TMEM39B: variants seen among roughly 807,000 people sequenced by gnomAD.
TMEM39B encodes the protein transmembrane protein 39B.
In TMEM39B, 23 loss-of-function variants were observed where a neutral mutation model predicts 52.2. The observed-to-expected ratio is 0.44, with a 90% confidence interval of 0.32 to 0.62. The LOEUF (loss-of-function observed/expected upper bound fraction) is 0.62. Ranked by LOEUF, TMEM39B falls within the 20% of genes least tolerant of loss-of-function variation. The pLI is 0.06. For synonymous variants in TMEM39B, 285 were observed against 264.0 expected, an observed-to-expected ratio of 1.08 and a Z score of -0.77; for missense variants, 547 against 642.0, an observed-to-expected ratio of 0.85 and a Z score of 1.60.
chr1:32,073,096 C>T (rs1459377602), intron 1 of TMEM39B, 45 bp downstream of exon 1: 2 of 1,441,028 alleles, frequency 1.4e-6, no homozygotes, highest in African/African-American at 3.0e-5. Context: ...AGCGGGCGCA[C>T]GGGTTAGGAT....
chr1:32,094,709 G>A, intron 6 of TMEM39B, 75 bp from the exon 7 acceptor site: 1 of 1,534,550 alleles, frequency 6.5e-7, no homozygotes, highest in Non-Finnish European at 9.0e-7. Flanking sequence ...CTCTCAGTCA[G>A]GTAGAATCAG....
In TMEM39B at chr1:32,091,694, T is replaced by C; in HGVS notation, c.610T>C (p.Phe204Leu). 6.2e-7 allele frequency: 1 copy of C among 1,607,068 alleles called. No homozygotes were observed. The highest frequency in any genetic ancestry group is 8.5e-7 in the Non-Finnish European group (1 of 1,175,444). ...LCYPFGMYIP[F>L]LQLNCDLRKT... ...CAGCAGGTTTGGGATGTACATTCCGTTCCTGCAGCTGAATTGCGACCTCCG... is the reference window on the plus strand; with the variant it reads ...CAGCAGGTTTGGGATGTACATTCCGCTCCTGCAGCTGAATTGCGACCTCCG... The change falls in exon 6 of 9, where the codon TTC (phenylalanine) becomes CTC (leucine). Residue 204 changes from phenylalanine to leucine, a missense_variant. Phe to Leu is a conservative substitution (Grantham distance 22). Coordinates refer to ENST00000336294, the MANE Select transcript of TMEM39B (RefSeq NM_018056.4).
chr1:32,085,247 T>C (rs554412584), intron 5 of TMEM39B, among the ~76,000 whole-genome samples: 1 of 152,290 alleles, frequency 6.6e-6, no homozygotes, highest in African/African-American at 2.4e-5. Flanking sequence ...ATGGTAGACC[T>C]CATAGATTGG....
chr1:32,093,617 G>T (rs960730090), intron 6 of TMEM39B, among the ~76,000 whole-genome samples: 2 of 150,228 alleles, frequency 1.3e-5, no homozygotes, highest in Non-Finnish European at 3.0e-5. Flanking sequence ...TCGCTATATT[G>T]GCCAGGCCAG....
intron 7 of TMEM39B, among the ~76,000 whole-genome samples, chr1:32,097,318 C>A (rs989023832): frequency 6.6e-6 from 1 of 151,034 alleles, no homozygotes; most frequent in African/African-American, 2.4e-5. Flanking sequence ...TAAATGAAAT[C>A]GTGTCCAACT....
At chr1:32,072,336 C>T (rs1259629026), upstream of TMEM39B, 1 of 147,124 alleles carries the variant, frequency 6.8e-6, no homozygotes. Flanking sequence ...TCATTTAACC[C>T]TCACCGAAAC....
rs1217980880 is a variant in TMEM39B, at chr1:32,094,770, T to A, written c.928-14T>A. On this transcript the variant is annotated splice_polypyrimidine_tract_variant and intron_variant, in intron 6 of 8. Transcript: ENST00000336294. ...TGGGGATCCCAGGCCTCACCCACCT[T>A]CTGCTACCCCCAGAACACACATTAC... 6.2e-7 allele frequency: 1 copy of A among 1,613,692 alleles called. No individual in the cohort carries two copies. Among genetic ancestry groups the A allele is most frequent in the Admixed American group, 1.7e-5 (1 of 60,012 alleles).
Position 32,072,979 on chromosome 1 carries a change from C to A in TMEM39B, c.-69C>A, listed in dbSNP as rs1557907323. ...GCTGCGGCGGTTAGTCCTCTCCCGG[C>A]CGCCGTCGCCTCCGACATATTGCCC... On this transcript the variant is annotated 5_prime_UTR_variant, in exon 1 of 9. Transcript: ENST00000336294. 6.5e-7 allele frequency: 1 copy of A among 1,528,316 alleles called. No individual in the cohort carries two copies. Among genetic ancestry groups the A allele is most frequent in the Non-Finnish European group, 8.8e-7 (1 of 1,136,460 alleles). 94.7% of individuals were successfully genotyped at this position (1,528,316 alleles called of 1,614,324 possible).
intron 5 of TMEM39B, among the ~76,000 whole-genome samples, chr1:32,083,783 C>T (rs552769730): frequency 4.8e-4 from 73 of 152,150 alleles, no homozygotes; most frequent in Non-Finnish European, 7.5e-4. Flanking sequence ...GTATAAGAAT[C>T]GCTTGAACCC....
In TMEM39B at chr1:32,079,763, C is replaced by T. The variant is rs1252925579; in HGVS notation, c.590+2445C>T. ...AGAATTTTCACAATTTATTTGTCTT[C>T]TATTGGCAATTTTTTTTTTTTTCTG... On this transcript the variant is annotated intron_variant, in intron 5 of 8. Coordinates refer to ENST00000336294, the MANE Select transcript of TMEM39B (RefSeq NM_018056.4). Among the ~76,000 whole-genome samples the T allele has an allele frequency of 3.3e-5, 5 of 151,348 alleles. No homozygotes were observed. In the East Asian group the frequency reaches 9.8e-4, roughly 30 times the overall value.
chr1:32,073,181 G>A (rs2296450), intron 1 of TMEM39B, 130 bp downstream of exon 1: 140,469 of 1,203,632 alleles, frequency 0.12, 8,724 homozygotes, highest in East Asian at 0.19. Flanking sequence ...GAGCGCAGAC[G>A]GGATCCCGCC....
intron 5 of TMEM39B, among the ~76,000 whole-genome samples, chr1:32,081,861 C>T (rs1482537931): frequency 6.6e-6 from 1 of 152,140 alleles, no homozygotes; most frequent in Non-Finnish European, 1.5e-5. Flanking sequence ...ACTGCTGCCT[C>T]CCAGCCACCC....
At chr1:32,101,032 A>AAAAT (rs1211564297) in intron 8 of TMEM39B, among the ~76,000 whole-genome samples, 1 of 152,174 alleles carries the variant, frequency 6.6e-6, no homozygotes, top group African/African-American at 2.4e-5. Context: ...CTCATTCTCA[A>AAAAT]AAATAAATAA....
At chr1:32,085,012 C>G (rs1362285990) in intron 5 of TMEM39B, among the ~76,000 whole-genome samples, 1 of 152,020 alleles carries the variant, frequency 6.6e-6, no homozygotes, top group African/African-American at 2.4e-5. Flanking sequence ...TTGTATTTTC[C>G]TTTCTGAAAG....
intron 5 of TMEM39B, among the ~76,000 whole-genome samples, chr1:32,088,720 A>G (rs942772607): frequency 2.6e-5 from 4 of 152,272 alleles, no homozygotes; most frequent in South Asian, 2.1e-4. Context: ...AATTTAATTG[A>G]TCATAGGACC....
At chr1:32,086,104 C>A (rs756602159) in intron 5 of TMEM39B, among the ~76,000 whole-genome samples, 1 of 152,032 alleles carries the variant, frequency 6.6e-6, no homozygotes, top group Non-Finnish European at 1.5e-5. Flanking sequence ...GACCTCAATT[C>A]TCAGTTTACT....
intron 8 of TMEM39B, 57 bp downstream of exon 8, chr1:32,100,619 A>G: frequency 6.2e-7 from 1 of 1,610,932 alleles, no homozygotes; most frequent in African/African-American, 1.3e-5. Context: ...GAGGATCTGC[A>G]GGGCAGGAAT....
At chr1:32,096,360 G>A (rs1640806204) in intron 7 of TMEM39B, among the ~76,000 whole-genome samples, 1 of 148,732 alleles carries the variant, frequency 6.7e-6, no homozygotes, top group South Asian at 2.1e-4. Context: ...TGTCTACTGT[G>A]TTTGCTTAGT....
rs1259613993 is a variant in TMEM39B, at chr1:32,074,977, T to C, written c.31T>C (p.Ser11Pro). The C allele has an allele frequency of 6.4e-7, 1 of 1,551,496 alleles. No homozygotes were observed. Among genetic ancestry groups the C allele is most frequent in the South Asian group, 1.2e-5 (1 of 84,040 alleles). The change falls in exon 2 of 9, where the codon TCT becomes CCT. Residue 11 changes from serine to proline, a missense_variant. Physicochemically the swap from Ser to Pro is moderately conservative, Grantham distance 74. Transcript: ENST00000336294. ...AGGACGAAGAGGTCCCAACAGGACA[T>C]CTTACTGTCGAAATCCGCTCTGTGA... MGGRRGPNRT[S>P]YCRNPLCEPG...
Sources: allele counts gnomAD v4.1 joint callset (sites outside exome capture counted in the v4.1 genomes callset), GRCh38; gene constraint gnomAD v4.1.1; transcripts MANE v1.5; gene names NCBI Gene and HGNC (gene_info 2026-07-23, HGNC 2026-07-21).